EPAS1: variants seen among roughly 807,000 people sequenced by gnomAD.
EPAS1 encodes the protein endothelial PAS domain protein 1, also known as endothelial PAS domain-containing protein 1.
In EPAS1, 23 loss-of-function variants were observed where a neutral mutation model predicts 87.9. The observed-to-expected ratio is 0.26, with a 90% confidence interval of 0.19 to 0.37. The LOEUF is 0.37. EPAS1 is among the 10% of genes least tolerant of loss of function. The pLI, the probability that EPAS1 is intolerant of heterozygous loss-of-function variation, is 1.00. For missense variants in EPAS1, 1,138 were observed against 1,120.7 expected (o/e 1.02, Z -0.22); for synonymous variants, 508 against 444.3 (o/e 1.14, Z -1.80).
intron 1 of EPAS1, among the ~76,000 whole-genome samples, chr2:46,316,473 C>T (rs1429083954): frequency 6.6e-6 from 1 of 152,212 alleles, no homozygotes; most frequent in Non-Finnish European, 1.5e-5. Context: ...GTTGGCCAGG[C>T]TGGTCTCGAA....
intron 6 of EPAS1, among the ~76,000 whole-genome samples, chr2:46,364,971 A>G (rs1344925303): frequency 1.3e-5 from 2 of 152,216 alleles, no homozygotes; most frequent in African/African-American, 4.8e-5. Flanking sequence ...GAATGGTACA[A>G]AATACAACAT....
At chr2:46,373,485 T>A (rs1684669640) in intron 7 of EPAS1, among the ~76,000 whole-genome samples, 1 of 152,224 alleles carries the variant, frequency 6.6e-6, no homozygotes, top group African/African-American at 2.4e-5. Flanking sequence ...AACGCCATGA[T>A]GAATCTCAAA....
intron 6 of EPAS1, among the ~76,000 whole-genome samples, chr2:46,366,315 G>T (rs937941372): frequency 6.6e-6 from 1 of 150,846 alleles, no homozygotes; most frequent in Non-Finnish European, 1.5e-5. Context: ...ACAGTTTTGA[G>T]AGTAAAGAGC....
intron 1 of EPAS1, among the ~76,000 whole-genome samples, chr2:46,302,164 G>GGGT (rs1683018884): frequency 6.7e-6 from 1 of 148,518 alleles, no homozygotes; most frequent in African/African-American, 2.5e-5. Flanking sequence ...GTGCGTCGGG[G>GGGT]GGGGGGGCAG....
chr2:46,345,390 C>A (rs1684004030), intron 1 of EPAS1, among the ~76,000 whole-genome samples: 1 of 152,106 alleles, frequency 6.6e-6, no homozygotes, highest in Non-Finnish European at 1.5e-5. Context: ...CAAAAAAACT[C>A]CCTTTAACCT....
At chr2:46,352,742 T>C (rs1868088) in intron 2 of EPAS1, among the ~76,000 whole-genome samples, 30,344 of 152,182 alleles carry the variant, frequency 0.2, 3,453 homozygotes, top group Admixed American at 0.29. Flanking sequence ...GTCCCGGCCC[T>C]GCCGTCACAG....
chr2:46,334,933 A>G (rs1683757655), intron 1 of EPAS1, among the ~76,000 whole-genome samples: 1 of 152,222 alleles, frequency 6.6e-6, no homozygotes, highest in African/African-American at 2.4e-5. Context: ...GCGCTGTGGC[A>G]TGAATCAGAT....
chr2:46,351,503 G>A (rs952147151), intron 2 of EPAS1, among the ~76,000 whole-genome samples: 3 of 152,132 alleles, frequency 2.0e-5, no homozygotes, highest in East Asian at 1.9e-4. Context: ...TCCAGTAAGC[G>A]ATCCCAGAGT....
rs1684729707 is a variant in EPAS1 at position 46,375,731 on chromosome 2, C to T, written c.928C>T (p.Leu310Phe). ...GGTAGTAAGTGGCCAGTACCGGATG[C>T]TCGCAAAGCATGGGGGCTACGTGTG... ...GQVVSGQYRM[L>F]AKHGGYVWLE... The change falls in exon 8 of 16, where the codon CTC (leucine) becomes TTC (phenylalanine). Residue 310 changes from leucine to phenylalanine, a missense_variant. Physicochemically the swap from Leu to Phe is conservative, Grantham distance 22. Around this residue, in one of 4 missense-constraint regions of EPAS1, gnomAD observed 351 missense variants for 417.1 expected, o/e 0.84. Coordinates refer to ENST00000263734, the MANE Select transcript of EPAS1 (RefSeq NM_001430.5). The surrounding 1 kb of genome is among the most constrained non-coding windows in gnomAD (Gnocchi z 4.1). The T allele has an allele frequency of 6.2e-7, 1 of 1,614,196 alleles. No individual in the cohort carries two copies. Among genetic ancestry groups the T allele is most frequent in the Non-Finnish European group, 8.5e-7 (1 of 1,180,032 alleles).
At chr2:46,349,057 T>C (rs1199775880) in intron 2 of EPAS1, among the ~76,000 whole-genome samples, 2 of 152,084 alleles carry the variant, frequency 1.3e-5, no homozygotes, top group Non-Finnish European at 2.9e-5. Context: ...TTTTGGTCCA[T>C]GGGAAAACAG....
intron 1 of EPAS1, among the ~76,000 whole-genome samples, chr2:46,337,723 T>G (rs1683823375): frequency 6.6e-6 from 1 of 152,080 alleles, no homozygotes; most frequent in African/African-American, 2.4e-5. Context: ...GAAAAAAATC[T>G]AAATCAGATC....
intron 1 of EPAS1, among the ~76,000 whole-genome samples, chr2:46,315,320 T>C (rs1176706362): frequency 2.6e-5 from 4 of 151,956 alleles, no homozygotes; most frequent in Admixed American, 2.6e-4. Context: ...CTGAATGAAG[T>C]CATGTTGTAC....
rs374243090 is a variant in EPAS1 at position 46,356,169 on chromosome 2, C to G, written c.236C>G (p.Ser79Cys). 1 of 1,466,644 alleles carries G rather than the reference C, an allele frequency of 6.8e-7. No homozygotes were observed. The highest frequency in any genetic ancestry group is 9.3e-7 in the Non-Finnish European group (1 of 1,073,226). 90.9% of individuals were successfully genotyped at this position (1,466,644 alleles called of 1,614,324 possible). A position where few individuals can be genotyped will look rare whatever the true frequency, so the allele number is the denominator to read the frequency against. ...TTTCCAGTTTGCTCTGAAAACGAGT[C>G]CGAAGCCGAAGCTGACCAGCAGATG... ...LLSSVCSENE[S>C]EAEADQQMDN... The change falls in exon 3 of 16, where the codon TCC becomes TGC. Residue 79 changes from serine to cysteine, a missense_variant. Transcript: ENST00000263734.
intron 2 of EPAS1, among the ~76,000 whole-genome samples, chr2:46,350,692 C>T (rs78460461): frequency 3.8e-3 from 579 of 152,310 alleles, no homozygotes; most frequent in African/African-American, 0.014. Context: ...GGCATTAAAC[C>T]GCAGTGAATA....
At position 46,376,609 on chromosome 2, in the gene EPAS1, G is replaced by A. The variant is rs746230320; in HGVS notation, c.1105G>A (p.Ala369Thr). The change falls in exon 9 of 16, where the codon GCC becomes ACC. Residue 369 changes from alanine to threonine, a missense_variant. Around this residue, in one of 4 missense-constraint regions of EPAS1, gnomAD observed 284 missense variants for 258.4 expected, o/e 1.10. Transcript: ENST00000263734. ...TESLFKPHLM[A>T]MNSIFDSSGK... ...ATCCCTGTTCAAGCCCCACCTGATG[G>A]CCATGAACAGCATCTTTGATAGCAG... 17 of 1,614,022 alleles carry A rather than the reference G, an allele frequency of 1.1e-5. No homozygotes were observed. In the East Asian group the frequency reaches 2.9e-4, roughly 27 times the overall value.
At chr2:46,321,507 T>C (rs1683453727) in intron 1 of EPAS1, among the ~76,000 whole-genome samples, 2 of 152,206 alleles carry the variant, frequency 1.3e-5, no homozygotes, top group Non-Finnish European at 2.9e-5. Flanking sequence ...AGAGTTCCAG[T>C]TTCTTCATTT....
At chr2:46,372,946 T>C (rs1368199190) in intron 7 of EPAS1, among the ~76,000 whole-genome samples, 1 of 152,218 alleles carries the variant, frequency 6.6e-6, no homozygotes, top group African/African-American at 2.4e-5. Flanking sequence ...CAAAAGTTAT[T>C]TCCTTGGTTG....
chr2:46,336,215 A>C (rs1178151951), intron 1 of EPAS1, among the ~76,000 whole-genome samples: 1 of 152,164 alleles, frequency 6.6e-6, no homozygotes, highest in African/African-American at 2.4e-5. Flanking sequence ...ACAATCAGCA[A>C]ATATTTACCC....
At chr2:46,370,796 T>C (rs1262211354) in intron 7 of EPAS1, among the ~76,000 whole-genome samples, 1 of 152,178 alleles carries the variant, frequency 6.6e-6, no homozygotes, top group Non-Finnish European at 1.5e-5. Flanking sequence ...AATTCAGGCT[T>C]CCTATAGGCA....
Sources: allele counts gnomAD v4.1 joint callset (sites outside exome capture counted in the v4.1 genomes callset), GRCh38; gene constraint gnomAD v4.1.1; regional missense constraint gnomAD v4.1.1; non-coding constraint Gnocchi (gnomAD v3.1); transcripts MANE v1.5; gene names NCBI Gene and HGNC (gene_info 2026-07-23, HGNC 2026-07-21).